SPINK8: variants seen among roughly 807,000 people sequenced by gnomAD.
SPINK8 encodes the protein serine peptidase inhibitor Kazal type 8 (putative).
SPINK8 carries 12 observed loss-of-function variants against 14.4 expected under a neutral mutation model. That is an observed-to-expected ratio of 0.83 (90% CI 0.53 to 1.35). The LOEUF (loss-of-function observed/expected upper bound fraction) is 1.35. Among genes scored for constraint, SPINK8 ranks in the 40% most tolerant of loss-of-function variants. The pLI, the probability that SPINK8 is intolerant of heterozygous loss-of-function variation, is 0.00. For missense variants in SPINK8, 103 were observed against 117.0 expected (o/e 0.88, Z 0.55); for synonymous variants, 32 against 37.6 (o/e 0.85, Z 0.55).
intron 1 of SPINK8, among the ~76,000 whole-genome samples, 117 bp from the exon 2 acceptor site, chr3:48,332,588 C>A (rs1254069748): frequency 2.0e-5 from 3 of 152,138 alleles, no homozygotes; most frequent in Non-Finnish European, 4.4e-5. Flanking sequence ...TCTGATTCTG[C>A]GTCCCATTGA....
At chr3:48,313,720 C>T in intron 6 of SPINK8, among the ~76,000 whole-genome samples, 1 of 152,082 alleles carries the variant, frequency 6.6e-6, no homozygotes, top group East Asian at 1.9e-4. Flanking sequence ...CCCAAATTTC[C>T]TTCAATGAAT....
At position 48,329,250 on chromosome 3, in the gene SPINK8, A is replaced by C. The variant is rs1181167913; in HGVS notation, c.-111T>G. Among the ~76,000 whole-genome samples, 2 of 152,340 alleles carry C rather than the reference A, an allele frequency of 1.3e-5. No individual in the cohort carries two copies. Among genetic ancestry groups the C allele is most frequent in the South Asian group, 2.1e-4 (1 of 4,832 alleles). On this transcript the variant is annotated 5_prime_UTR_variant, in exon 3 of 8. Transcript: ENST00000434006. ...TGAACTAGGAAGGAAGGCAAAGCTT[A>C]TTTGTCTTTTCAAGGTTCCAATGCC...
chr3:48,317,329 A>T (rs2107093569), intron 6 of SPINK8, among the ~76,000 whole-genome samples: 1 of 152,198 alleles, frequency 6.6e-6, no homozygotes, highest in South Asian at 2.1e-4. Context: ...TCTCTACAAA[A>T]ATACAAAAAT....
chr3:48,317,466 C>T (rs1189400702), intron 6 of SPINK8, among the ~76,000 whole-genome samples: 1 of 151,724 alleles, frequency 6.6e-6, no homozygotes. Context: ...CCAGCATGCG[C>T]AACAAAAGTG....
In SPINK8 at chr3:48,315,720, C is replaced by CAAAAAAAAAAAA. The variant is rs66504818; in HGVS notation, c.239+3765_239+3776dup. The stretch of plus-strand genomic sequence containing the variant: ...TGGGTAACAGAGTAAGACTCCATCT[C>CAAAAAAAAAAAA]AAAAAAAAAAAAAAAAAAAAAAAAG... On this transcript the variant is annotated intron_variant, in intron 6 of 7. Transcript: ENST00000434006. Among the ~76,000 whole-genome samples the CAAAAAAAAAAAA allele has an allele frequency of 6.5e-3, 142 of 21,918 alleles. 10 individuals are homozygous for CAAAAAAAAAAAA. The highest frequency in any genetic ancestry group is 0.011 in the Non-Finnish European group (117 of 10,266). The allele number at this position is 21,918 out of a possible 152,430, so 14.4% of individuals were successfully genotyped here. A position where few individuals can be genotyped will look rare whatever the true frequency, so the allele number is the denominator to read the frequency against.
chr3:48,307,468 C>G (rs957977729), intron 7 of SPINK8, among the ~76,000 whole-genome samples: 1 of 150,006 alleles, frequency 6.7e-6, no homozygotes, highest in African/African-American at 2.5e-5. Context: ...TATCCCTCTT[C>G]TTTCTCCATT....
intron 6 of SPINK8, among the ~76,000 whole-genome samples, chr3:48,313,373 G>T (rs1377505321): frequency 6.6e-6 from 1 of 152,142 alleles, no homozygotes; most frequent in African/African-American, 2.4e-5. Context: ...TACATAAGAA[G>T]ATGTCCAACC....
chr3:48,318,912 G>A (rs184141522), intron 6 of SPINK8, among the ~76,000 whole-genome samples: 24 of 152,272 alleles, frequency 1.6e-4, no homozygotes, highest in Admixed American at 1.2e-3. Flanking sequence ...AACTGTATAC[G>A]GAGTTTCCTT....
intron 7 of SPINK8, among the ~76,000 whole-genome samples, chr3:48,307,509 A>C (rs1297443335): frequency 4.5e-3 from 508 of 112,160 alleles, no homozygotes; most frequent in Admixed American, 9.1e-3. Flanking sequence ...TTCTCTTCCT[A>C]CTCTCTCTCT....
chr3:48,315,720 CAAA>C (rs66504818), intron 6 of SPINK8, among the ~76,000 whole-genome samples: 4 of 21,940 alleles, frequency 1.8e-4, no homozygotes, highest in South Asian at 2.4e-3. Context: ...GACTCCATCT[CAAA>C]AAAAAAAAAA....
At chr3:48,326,609 GA>G (rs761081543) in intron 4 of SPINK8, among the ~76,000 whole-genome samples, 99 of 134,074 alleles carry the variant, frequency 7.4e-4, no homozygotes, top group East Asian at 2.2e-3. Context: ...TCTGTCTCAA[GA>G]AAAAAAAAAA....
rs765776880 is a variant in SPINK8 at position 48,319,665 on chromosome 3, C to G, written c.118-47G>C. ...CTGCTTCAGACACTTTCATCCAGGT[C>G]CTTTGGCCGTTATTATGTATAGCTT... On this transcript the variant is annotated intron_variant, in intron 5 of 7. Coordinates refer to ENST00000434006, the MANE Select transcript of SPINK8 (RefSeq NM_001080525.3). The G allele has an allele frequency of 6.0e-5, 97 of 1,611,000 alleles. No individual in the cohort carries two copies. The Admixed American group carries it at 1.5e-3, about 26-fold the overall frequency.
intron 4 of SPINK8, among the ~76,000 whole-genome samples, chr3:48,322,463 A>G (rs1379690591): frequency 1.3e-5 from 2 of 151,622 alleles, no homozygotes; most frequent in Admixed American, 1.3e-4. Flanking sequence ...AGCCTTCCAA[A>G]TAGCTGGGAT....
intron 6 of SPINK8, among the ~76,000 whole-genome samples, chr3:48,313,117 A>G (rs1176040019): frequency 6.6e-6 from 1 of 152,358 alleles, no homozygotes; most frequent in East Asian, 1.9e-4. Context: ...ACGTAAGAAC[A>G]ACAAAAGAAA....
At chr3:48,331,326 G>A (rs1344980198) in intron 2 of SPINK8, among the ~76,000 whole-genome samples, 2 of 152,164 alleles carry the variant, frequency 1.3e-5, no homozygotes, top group Non-Finnish European at 2.9e-5. Flanking sequence ...CTATACTAGG[G>A]GGTCCTTCTA....
intron 7 of SPINK8, among the ~76,000 whole-genome samples, chr3:48,309,257 C>T (rs1260504651): frequency 6.6e-6 from 1 of 152,210 alleles, no homozygotes; most frequent in Non-Finnish European, 1.5e-5. Context: ...CCTCATAATG[C>T]AATAATGATC....
chr3:48,326,825 C>T (rs774777340), intron 4 of SPINK8, among the ~76,000 whole-genome samples: 2 of 151,816 alleles, frequency 1.3e-5, no homozygotes, highest in Non-Finnish European at 2.9e-5. Context: ...GTGGGAAACT[C>T]GCTTGAACCC....
chr3:48,321,115 C>T (rs2036068599), intron 4 of SPINK8, 41 bp from the exon 5 acceptor site: 2 of 1,547,880 alleles, frequency 1.3e-6, no homozygotes, highest in Non-Finnish European at 1.7e-6. Flanking sequence ...GCTTCTCTGT[C>T]TTCTGCCCTC....
intron 4 of SPINK8, among the ~76,000 whole-genome samples, chr3:48,327,507 C>T (rs2036162307): frequency 6.6e-6 from 1 of 152,118 alleles, no homozygotes. Flanking sequence ...TGAGACTCAG[C>T]CAGAAGGGAA....
Sources: gnomAD v4.1 joint callset for allele counts (sites outside exome capture counted in the v4.1 genomes callset) on GRCh38, gnomAD v4.1.1 for gene constraint, MANE v1.5 for transcripts, NCBI Gene and HGNC (gene_info 2026-07-23, HGNC 2026-07-21) for gene names.